GLIS1: variants seen among roughly 807,000 people sequenced by gnomAD.
GLIS1 encodes the protein GLIS family zinc finger 1.
A neutral mutation model predicts 63.8 loss-of-function variants in GLIS1; 24 were observed. The observed-to-expected ratio is 0.38, with a 90% CI of 0.27 to 0.53. The LOEUF (loss-of-function observed/expected upper bound fraction) is 0.53, where lower values mean the gene tolerates loss of function less well. Ranked by LOEUF, GLIS1 falls within the 20% of genes least tolerant of loss-of-function variation. The probability of loss-of-function intolerance (pLI) is 0.85; values close to 1 mark genes in which losing one functional copy is unlikely to be tolerated. For synonymous variants in GLIS1, 450 were observed against 482.5 expected (o/e 0.93, Z 0.88); for missense variants, 1,036 against 1,074.1 (o/e 0.96, Z 0.50).
rs1248027325 is a variant in GLIS1, at chr1:53,639,757, G to A, written c.260-39479C>T. Reference sequence around the variant, plus strand: ...GCCAGTCTCAAGGACCAGGAGCACTGCTGTGGGCTTCAATGTATGCAAACC... The same window carrying A: ...GCCAGTCTCAAGGACCAGGAGCACTACTGTGGGCTTCAATGTATGCAAACC... On this transcript the variant is annotated intron_variant, in intron 2 of 10. Transcript: ENST00000628545. This position sits in a 1 kb window ranked among gnomAD's most constrained non-coding sequence, Gnocchi z 4.6. 6.6e-6 allele frequency among the ~76,000 whole-genome samples: 1 copy of A among 152,172 alleles called. No homozygotes were observed. Among genetic ancestry groups the A allele is most frequent in the Admixed American group, 6.5e-5 (1 of 15,274 alleles).
intron 2 of GLIS1, among the ~76,000 whole-genome samples, chr1:53,677,809 G>A (rs1046621611): frequency 6.6e-6 from 1 of 152,192 alleles, no homozygotes; most frequent in Non-Finnish European, 1.5e-5. Context: ...ATCTGTAGGC[G>A]TTCCTCCAAG....
intron 2 of GLIS1, among the ~76,000 whole-genome samples, chr1:53,697,359 C>A (rs1313362479): frequency 6.6e-6 from 1 of 152,226 alleles, no homozygotes; most frequent in Admixed American, 6.5e-5. Context: ...ACTTTCATTT[C>A]CTATTCCAGT....
At chr1:53,597,239 G>GGC (rs1015646869) in intron 3 of GLIS1, among the ~76,000 whole-genome samples, 9 of 148,836 alleles carry the variant, frequency 6.0e-5, no homozygotes, top group Non-Finnish European at 1.2e-4. Context: ...CGGGTGTGGT[G>GGC]GCGGGCGCCT....
chr1:53,575,008 G>A (rs1645017899), intron 4 of GLIS1, among the ~76,000 whole-genome samples: 1 of 152,126 alleles, frequency 6.6e-6, no homozygotes, highest in South Asian at 2.1e-4. Context: ...CCAACACAGA[G>A]GATACTTGGG....
intron 2 of GLIS1, among the ~76,000 whole-genome samples, chr1:53,629,721 C>T (rs1276581330): frequency 1.3e-5 from 2 of 152,186 alleles, no homozygotes; most frequent in South Asian, 2.1e-4. Context: ...CCTCAAACCC[C>T]GTCATTCTCT....
chr1:53,569,673 A>G (rs998841723), intron 4 of GLIS1, among the ~76,000 whole-genome samples: 3 of 152,162 alleles, frequency 2.0e-5, no homozygotes, highest in Non-Finnish European at 4.4e-5. Context: ...ATTCACATCT[A>G]TGAAAGTCTA....
chr1:53,578,844 A>G (rs1480522456), intron 4 of GLIS1, among the ~76,000 whole-genome samples: 1 of 152,218 alleles, frequency 6.6e-6, no homozygotes, highest in Non-Finnish European at 1.5e-5. Flanking sequence ...AGAGTAGAAC[A>G]TTGCAACAGG....
intron 2 of GLIS1, among the ~76,000 whole-genome samples, chr1:53,615,077 G>A (rs1295339669): frequency 1.3e-5 from 2 of 152,110 alleles, no homozygotes; most frequent in East Asian, 3.9e-4. Context: ...GACAGAATGG[G>A]ACTAGACGGT....
intron 2 of GLIS1, among the ~76,000 whole-genome samples, chr1:53,707,503 A>T (rs1271032294): frequency 6.6e-6 from 1 of 152,154 alleles, no homozygotes; most frequent in East Asian, 1.9e-4. Context: ...TAAAAAAATT[A>T]GCCGGGCATG....
chr1:53,601,871 G>A (rs887517704), intron 2 of GLIS1, among the ~76,000 whole-genome samples: 5 of 152,180 alleles, frequency 3.3e-5, no homozygotes, highest in African/African-American at 9.7e-5. Context: ...TGCTGAGGCC[G>A]GGCACTCAGT....
chr1:53,722,114 A>T (rs999918645), intron 2 of GLIS1, among the ~76,000 whole-genome samples: 22 of 152,222 alleles, frequency 1.4e-4, no homozygotes, highest in African/African-American at 5.3e-4. Flanking sequence ...TCCATCTTCA[A>T]ATTAGGAAAA....
chr1:53,677,917 G>A (rs1646231407), intron 2 of GLIS1, among the ~76,000 whole-genome samples: 1 of 152,192 alleles, frequency 6.6e-6, no homozygotes, highest in South Asian at 2.1e-4. Context: ...CTGAGCCTCA[G>A]TCTCCTCAAG....
At chr1:53,607,543 T>C (rs1231459966) in intron 2 of GLIS1, among the ~76,000 whole-genome samples, 4 of 152,186 alleles carry the variant, frequency 2.6e-5, no homozygotes, top group Non-Finnish European at 4.4e-5. Flanking sequence ...TCCGTGCCAG[T>C]ATTGCTAAAC....
chr1:53,538,777 G>A (rs1261452688), intron 4 of GLIS1, among the ~76,000 whole-genome samples: 1 of 152,144 alleles, frequency 6.6e-6, no homozygotes, highest in East Asian at 1.9e-4. Context: ...TCCTCACCAG[G>A]AACACACTGA....
intron 4 of GLIS1, among the ~76,000 whole-genome samples, chr1:53,588,459 A>G (rs1238600767): frequency 2.0e-5 from 3 of 152,166 alleles, no homozygotes; most frequent in Non-Finnish European, 4.4e-5. Context: ...CCACTGATGC[A>G]TACTTGTTGT....
intron 2 of GLIS1, among the ~76,000 whole-genome samples, chr1:53,698,984 A>T (rs1395028425): frequency 6.6e-6 from 1 of 152,164 alleles, no homozygotes; most frequent in Non-Finnish European, 1.5e-5. Context: ...GTAACAGTGC[A>T]TGCCACACAC....
At position 53,526,849 on chromosome 1, in the gene GLIS1, CTGTG is replaced by C. The variant is rs879739819; in HGVS notation, c.1483-1966_1483-1963del. ...TCCTCAGGCCCCATTCCCCGTGAGCCTGTGGGAAACCCTGTGGCCGTCCCCAGCC... is the reference window on the plus strand; with the variant it reads ...TCCTCAGGCCCCATTCCCCGTGAGCCGGAAACCCTGTGGCCGTCCCCAGCC... On this transcript the variant is annotated intron_variant, in intron 5 of 10. Coordinates refer to ENST00000628545, the MANE Select transcript of GLIS1 (RefSeq NM_001367484.1). The surrounding 1 kb of genome is among the most constrained non-coding windows in gnomAD (Gnocchi z 4.4). Among the ~76,000 whole-genome samples the C allele has an allele frequency of 0.15, 23,561 of 152,212 alleles. 3,788 individuals carry two copies. Among genetic ancestry groups the C allele is most frequent in the East Asian group, 0.5 (2,585 of 5,156 alleles).
intron 2 of GLIS1, among the ~76,000 whole-genome samples, chr1:53,629,708 C>G (rs1645632054): frequency 6.6e-6 from 1 of 152,220 alleles, no homozygotes; most frequent in South Asian, 2.1e-4. Context: ...GAGGCCTGAC[C>G]TTCCTCAAAC....
intron 9 of GLIS1, 137 bp from the exon 10 acceptor site, chr1:53,509,424 C>T (rs1452963347): frequency 2.0e-6 from 2 of 985,150 alleles, no homozygotes; most frequent in African/African-American, 3.3e-5. Flanking sequence ...GAGGAGGGCC[C>T]AGGGCAGAGG....
Sources: allele counts gnomAD v4.1 joint callset (sites outside exome capture counted in the v4.1 genomes callset), GRCh38; gene constraint gnomAD v4.1.1; non-coding constraint Gnocchi (gnomAD v3.1); transcripts MANE v1.5; gene names NCBI Gene and HGNC (gene_info 2026-07-23, HGNC 2026-07-21).